The following MACROD2 variants were observed in gnomAD, a reference collection of about 807,000 sequenced individuals.
The protein encoded by MACROD2 is ADP-ribose glycohydrolase MACROD2.
In MACROD2, 36 loss-of-function variants were observed where a neutral mutation model predicts 70.4. The ratio of observed to expected loss-of-function variants is 0.51; its 90% CI spans 0.39 to 0.68. The LOEUF is 0.68. Among genes scored for constraint, MACROD2 ranks in the 30% least tolerant of loss-of-function variants. The pLI is 0.00. For synonymous variants in MACROD2, 172 were observed against 178.8 expected (o/e 0.96, Z 0.30); for missense variants, 496 against 538.4 (o/e 0.92, Z 0.78).
chr20:14,008,021 A>G (rs1330751622), intron 2 of MACROD2, among the ~76,000 whole-genome samples: 1 of 152,208 alleles, frequency 6.6e-6, no homozygotes, highest in African/African-American at 2.4e-5. Flanking sequence ...TACCATACTG[A>G]ATGGGCAAAA....
At chr20:14,523,849 A>G (rs951337614) in intron 4 of MACROD2, among the ~76,000 whole-genome samples, 2 of 152,166 alleles carry the variant, frequency 1.3e-5, no homozygotes, top group Non-Finnish European at 2.9e-5. Context: ...GAGTTTGCCT[A>G]TTCATAAGAG....
intron 4 of MACROD2, among the ~76,000 whole-genome samples, chr20:14,675,797 G>A (rs911801408): frequency 6.6e-6 from 1 of 152,186 alleles, no homozygotes; most frequent in Non-Finnish European, 1.5e-5. Context: ...CTGTGTTCAG[G>A]AGACCCATCT....
At chr20:14,576,829 T>A (rs529125417) in intron 4 of MACROD2, among the ~76,000 whole-genome samples, 2 of 152,356 alleles carry the variant, frequency 1.3e-5, no homozygotes, top group East Asian at 3.9e-4. Flanking sequence ...AATAATGCTT[T>A]AAACACAAAT....
At chr20:15,072,706 C>T (rs1358788490) in intron 5 of MACROD2, among the ~76,000 whole-genome samples, 1 of 152,126 alleles carries the variant, frequency 6.6e-6, no homozygotes, top group Non-Finnish European at 1.5e-5. Context: ...AGGAAAAGTA[C>T]ATGTCATTTT....
intron 3 of MACROD2, among the ~76,000 whole-genome samples, chr20:14,113,058 G>GGT (rs2054472698): frequency 6.6e-6 from 1 of 151,810 alleles, no homozygotes; most frequent in Non-Finnish European, 1.5e-5. Context: ...TATTAAACTT[G>GGT]GTGTTGTGTA....
At chr20:14,920,777 G>C (rs1428443002) in intron 5 of MACROD2, among the ~76,000 whole-genome samples, 1 of 152,162 alleles carries the variant, frequency 6.6e-6, no homozygotes, top group African/African-American at 2.4e-5. Context: ...TGTAATGAAT[G>C]AGATTAATAA....
chr20:15,404,590 A>G (rs1217426066), intron 6 of MACROD2, among the ~76,000 whole-genome samples: 1 of 152,048 alleles, frequency 6.6e-6, no homozygotes, highest in Non-Finnish European at 1.5e-5. Flanking sequence ...GAGAGTTACT[A>G]CTCCACCTGC....
In MACROD2 at chr20:14,000,975, A is replaced by C. The variant is rs575904809; in HGVS notation, c.47-1313A>C. Among the ~76,000 whole-genome samples the C allele has an allele frequency of 7.2e-5, 11 of 152,184 alleles. No homozygotes were observed. The East Asian group carries it at 1.9e-3, about 27-fold the overall frequency. ...TAGTATTCATACCTCCTTTGTTTAC[A>C]TTGTTTTGTTAGTCTGAAATGTTCT... On this transcript the variant is annotated intron_variant, in intron 1 of 17. Coordinates refer to ENST00000684519, the MANE Select transcript of MACROD2 (RefSeq NM_001351661.2).
At chr20:15,383,559 G>A (rs2045672358) in intron 6 of MACROD2, among the ~76,000 whole-genome samples, 1 of 152,164 alleles carries the variant, frequency 6.6e-6, no homozygotes, top group African/African-American at 2.4e-5. Flanking sequence ...ATGTTATTAA[G>A]GGACATAGTG....
chr20:15,346,582 A>G (rs1165050263), intron 6 of MACROD2, among the ~76,000 whole-genome samples: 1 of 152,144 alleles, frequency 6.6e-6, no homozygotes, highest in Admixed American at 6.5e-5. Flanking sequence ...ATCTGTTGCC[A>G]GGGAAGGAAT....
chr20:14,260,258 GTATT>G (rs2082091204), intron 3 of MACROD2, among the ~76,000 whole-genome samples: 1 of 152,126 alleles, frequency 6.6e-6, no homozygotes, highest in Non-Finnish European at 1.5e-5. Flanking sequence ...TGTATAGTGA[GTATT>G]TATATGAAGG....
intron 6 of MACROD2, among the ~76,000 whole-genome samples, chr20:15,265,178 A>G (rs1371281672): frequency 6.6e-6 from 1 of 152,106 alleles, no homozygotes; most frequent in Non-Finnish European, 1.5e-5. Flanking sequence ...ATCACCCTGC[A>G]AGCTCTCCTC....
chr20:15,558,605 G>C (rs1185567979), intron 8 of MACROD2, among the ~76,000 whole-genome samples: 3 of 152,206 alleles, frequency 2.0e-5, no homozygotes, highest in African/African-American at 7.2e-5. Context: ...TATGAAACCA[G>C]TGTGTTATTA....
chr20:14,445,991 T>C (rs751914586), intron 3 of MACROD2, among the ~76,000 whole-genome samples: 8 of 152,078 alleles, frequency 5.3e-5, no homozygotes, highest in Non-Finnish European at 8.8e-5. Context: ...ATAGGACATG[T>C]TTGTGACTAT....
At position 14,377,586 on chromosome 20, in the gene MACROD2, G is replaced by T. The variant is rs111511250; in HGVS notation, c.272-115893G>T. ...ACAAATAGCCTTGAGGCTGCTCCCT[G>T]CCTCCTTTCTGAGCTGATCTTGGTA... On this transcript the variant is annotated intron_variant, in intron 3 of 17. Transcript: ENST00000684519. Among the ~76,000 whole-genome samples the T allele has an allele frequency of 2.3e-4, 35 of 152,274 alleles. 1 individual carries two copies. The highest frequency in any genetic ancestry group is 7.9e-4 in the African/African-American group (33 of 41,578).
chr20:14,724,732 C>CT (rs2071508373), intron 5 of MACROD2, among the ~76,000 whole-genome samples: 1 of 152,158 alleles, frequency 6.6e-6, no homozygotes, highest in African/African-American at 2.4e-5. Context: ...GCATGATCAT[C>CT]TAAGGAGAAA....
chr20:14,560,861 G>A (rs1447138666), intron 4 of MACROD2, among the ~76,000 whole-genome samples: 1 of 151,734 alleles, frequency 6.6e-6, no homozygotes, highest in Non-Finnish European at 1.5e-5. Context: ...ATTTTAATTT[G>A]CCTTTTTACC....
chr20:14,394,295 C>T (rs995793447), intron 3 of MACROD2, among the ~76,000 whole-genome samples: 2 of 152,106 alleles, frequency 1.3e-5, no homozygotes, highest in African/African-American at 2.4e-5. Context: ...CTCTCAGCAT[C>T]GCTTTGTAGT....
chr20:15,787,927 T>C (rs1253863356), intron 8 of MACROD2, among the ~76,000 whole-genome samples: 1 of 152,172 alleles, frequency 6.6e-6, no homozygotes, highest in Non-Finnish European at 1.5e-5. Flanking sequence ...TGTTTTTTAT[T>C]TTACTTTTCT....
Sources: allele counts gnomAD v4.1 joint callset (sites outside exome capture counted in the v4.1 genomes callset), GRCh38; gene constraint gnomAD v4.1.1; transcripts MANE v1.5; gene names NCBI Gene and HGNC (gene_info 2026-07-23, HGNC 2026-07-21).